Variants in DEPDC4 observed in about 807,000 individuals in gnomAD.
The protein encoded by DEPDC4 is DEP domain-containing protein 4.
In DEPDC4, 52 loss-of-function variants were observed where a neutral mutation model predicts 52.0. The ratio of observed to expected loss-of-function variants is 1.00; its 90% CI spans 0.80 to 1.26. The LOEUF (loss-of-function observed/expected upper bound fraction) is 1.26, where lower values mean the gene tolerates loss of function less well. Among genes scored for constraint, DEPDC4 ranks in the 50% most tolerant of loss-of-function variants. The pLI is 0.00. For missense variants in DEPDC4, 530 were observed against 546.9 expected (o/e 0.97, Z 0.31); for synonymous variants, 201 against 196.8 (o/e 1.02, Z -0.18).
At chr12:100,239,747 AACTCCTGTGGTCAGCCAGGC>A (rs2153903665), downstream of DEPDC4, among the ~76,000 whole-genome samples, 1 of 152,174 alleles carries the variant, frequency 6.6e-6, no homozygotes, top group African/African-American at 2.4e-5. Context: ...GCTGGCCTCT[AACTCCTGTGGTCAGCCAGGC>A]ACAGTGGCTC....
At chr12:100,281,823 G>C in the DEPDC4 span, among the ~76,000 whole-genome samples, 2 of 142,130 alleles carry the variant, frequency 1.4e-5, no homozygotes, top group Middle Eastern at 4.0e-3. Context: ...GACAGAGCTA[G>C]ACTCCGTCTC....
chr12:100,250,404 G>C (rs1358737693), intron 7 of DEPDC4, among the ~76,000 whole-genome samples: 2 of 152,022 alleles, frequency 1.3e-5, no homozygotes, highest in East Asian at 3.9e-4. Context: ...ATTTTTAGTA[G>C]AGACTGGGTT....
downstream of DEPDC4, among the ~76,000 whole-genome samples, chr12:100,236,798 A>G (rs2096142051): frequency 6.6e-6 from 1 of 152,134 alleles, no homozygotes; most frequent in Non-Finnish European, 1.5e-5. Context: ...TATCTTCTAG[A>G]ATTTTCAAAG....
intron 9 of DEPDC4, 69 bp from the exon 10 acceptor site, chr12:100,241,914 T>C (rs1308347897): frequency 9.7e-7 from 1 of 1,035,158 alleles, no homozygotes; most frequent in African/African-American, 1.7e-5. Flanking sequence ...AAAAACCAAC[T>C]AAACTGTACT....
intron 8 of DEPDC4, among the ~76,000 whole-genome samples, chr12:100,244,093 G>GTATATATATATATATATATATA (rs775573664): frequency 2.2e-5 from 2 of 89,302 alleles, no homozygotes; most frequent in African/African-American, 3.9e-5. Context: ...CTCTCTCTCT[G>GTATATATATATATATATATATA]TGTATATATA....
At chr12:100,281,956 A>G in the DEPDC4 span, among the ~76,000 whole-genome samples, 1 of 152,142 alleles carries the variant, frequency 6.6e-6, no homozygotes, top group Non-Finnish European at 1.5e-5. Flanking sequence ...AAAGGGGTGG[A>G]AAAAGAAAAA....
At chr12:100,271,068 A>G (rs2096287091), upstream of DEPDC4, among the ~76,000 whole-genome samples, 1 of 152,136 alleles carries the variant, frequency 6.6e-6, no homozygotes, top group African/African-American at 2.4e-5. Context: ...AGCTGGTTTA[A>G]TCTTTGTTCT....
Position 100,241,745 on chromosome 12 carries a change from G to A in DEPDC4, c.*147C>T. The A allele has an allele frequency of 7.8e-7, 1 of 1,274,724 alleles. No individual in the cohort carries two copies. Among genetic ancestry groups the A allele is most frequent in the Non-Finnish European group, 1.0e-6 (1 of 981,816 alleles). The allele number at this position is 1,274,724 out of a possible 1,614,324, so 79.0% of individuals were successfully genotyped here. A position where few individuals can be genotyped will look rare whatever the true frequency, so the allele number is the denominator to read the frequency against. Reference sequence around the variant, plus strand: ...TTTTTCGTTTCAGAGAGATGCTGGGGTTACTATTAATCTCAAGAGCCAACT... The same window carrying A: ...TTTTTCGTTTCAGAGAGATGCTGGGATTACTATTAATCTCAAGAGCCAACT... On this transcript the variant is annotated 3_prime_UTR_variant, in exon 10 of 10. Coordinates refer to ENST00000550587, the MANE Select transcript of DEPDC4 (RefSeq NM_001364818.2).
intron 7 of DEPDC4, among the ~76,000 whole-genome samples, chr12:100,249,834 C>T (rs190275728): frequency 4.6e-5 from 7 of 152,002 alleles, no homozygotes; most frequent in African/African-American, 1.7e-4. Flanking sequence ...ATCAAGTTCC[C>T]GAATTTATGG....
At chr12:100,267,433 C>T (rs142547279), upstream of DEPDC4, 1,972 of 186,234 alleles carry the variant, frequency 0.011, 43 homozygotes, top group African/African-American at 0.042. Context: ...CGACCTCCCT[C>T]ACCGGCGGCT....
intron 1 of DEPDC4, 104 bp from the exon 2 acceptor site, chr12:100,263,997 GT>G (rs1340041047): frequency 3.0e-6 from 3 of 991,966 alleles, no homozygotes; most frequent in Non-Finnish European, 4.4e-6. Context: ...ATATCTGCTG[GT>G]AATGTCCTTC....
rs1260555888 is a variant in DEPDC4, at chr12:100,248,995, T to C, written c.1375-17A>G. Reference sequence around the variant, plus strand: ...AACTGGTGTCTACACAAAACAGGTATTTTCAAAATATTTAATATGATTTTT... The same window carrying C: ...AACTGGTGTCTACACAAAACAGGTACTTTCAAAATATTTAATATGATTTTT... On this transcript the variant is annotated splice_polypyrimidine_tract_variant and intron_variant, in intron 7 of 9. Coordinates refer to ENST00000550587, the MANE Select transcript of DEPDC4 (RefSeq NM_001364818.2). 1 of 950,606 alleles carries C rather than the reference T, an allele frequency of 1.1e-6. No individual in the cohort carries two copies. The highest frequency in any genetic ancestry group is 1.8e-5 in the African/African-American group (1 of 56,526). The allele number at this position is 950,606 out of a possible 1,614,324, so 58.9% of individuals were successfully genotyped here.
At chr12:100,258,601 G>C (rs2096243013) in intron 3 of DEPDC4, among the ~76,000 whole-genome samples, 1 of 152,224 alleles carries the variant, frequency 6.6e-6, no homozygotes, top group African/African-American at 2.4e-5. Flanking sequence ...TAATCAGAAT[G>C]GCTTTAGTCT....
rs773755650 is a variant in DEPDC4, at chr12:100,263,841, A to C, written c.210T>G (p.Ser70=). Residue 70 remains serine (S), a synonymous_variant, in exon 2 of 10, where the codon TCT becomes TCG. Coordinates refer to ENST00000550587, the MANE Select transcript of DEPDC4 (RefSeq NM_001364818.2). ...ATQLWDGIIH[S]LQAQVEIKRR... Reference sequence around the variant, plus strand: ...TTTTTATTTCCACTTGGGCCTGAAGAGAGTGAATAATACCATCCCATAGCT... The same window carrying C: ...TTTTTATTTCCACTTGGGCCTGAAGCGAGTGAATAATACCATCCCATAGCT... 1 of 1,614,084 alleles carries C rather than the reference A, an allele frequency of 6.2e-7. No individual in the cohort carries two copies. The highest frequency in any genetic ancestry group is 8.5e-7 in the Non-Finnish European group (1 of 1,179,988).
At position 100,263,598 on chromosome 12, in the gene DEPDC4, T is replaced by C; in HGVS notation, c.453A>G (p.Glu151=). Reference sequence around the variant, plus strand: ...ACCTGTAGAGACTAATGTTGGAATCTTCAAATTCTAATTCCTTTTCTTTTT... The same window carrying C: ...ACCTGTAGAGACTAATGTTGGAATCCTCAAATTCTAATTCCTTTTCTTTTT... ...LFKKEKELEF[E]DSNISLYRFL... Residue 151 remains glutamate, a synonymous_variant, in exon 2 of 10, where the codon GAA becomes GAG. Transcript: ENST00000550587. 1 of 1,614,122 alleles carries C rather than the reference T, an allele frequency of 6.2e-7. No homozygotes were observed. Among genetic ancestry groups the C allele is most frequent in the Non-Finnish European group, 8.5e-7 (1 of 1,179,990 alleles).
At chr12:100,235,977 A>ATT (rs1204385979), downstream of DEPDC4, among the ~76,000 whole-genome samples, 1 of 152,250 alleles carries the variant, frequency 6.6e-6, no homozygotes, top group Admixed American at 6.5e-5. Context: ...TTCACATAGA[A>ATT]TAATGGTCTC....
At chr12:100,274,865 A>G in the DEPDC4 span, among the ~76,000 whole-genome samples, 1 of 152,188 alleles carries the variant, frequency 6.6e-6, no homozygotes, top group East Asian at 1.9e-4. Context: ...CCTTTTGACA[A>G]TTTAGTAAAG....
At chr12:100,276,459 A>C in the DEPDC4 span, among the ~76,000 whole-genome samples, 1 of 152,078 alleles carries the variant, frequency 6.6e-6, no homozygotes, top group African/African-American at 2.4e-5. Flanking sequence ...CAGCCTCCCA[A>C]GTAGCTGGGA....
At chr12:100,276,717 T>G in the DEPDC4 span, among the ~76,000 whole-genome samples, 79 of 152,218 alleles carry the variant, frequency 5.2e-4, no homozygotes, top group Non-Finnish European at 8.5e-4. Flanking sequence ...TTCATTGGAT[T>G]TTTTTCCTCT....
Sources: gnomAD v4.1 joint callset for allele counts (sites outside exome capture counted in the v4.1 genomes callset) on GRCh38, gnomAD v4.1.1 for gene constraint, MANE v1.5 for transcripts, NCBI Gene and HGNC (gene_info 2026-07-23, HGNC 2026-07-21) for gene names.